RBFOX2: variants seen among roughly 807,000 people sequenced by gnomAD.
RBFOX2 encodes RNA binding protein fox-1 homolog 2.
A neutral mutation model predicts 49.1 loss-of-function variants in RBFOX2; 10 were observed. That is an observed-to-expected ratio of 0.20 (90% confidence interval 0.13 to 0.35). The LOEUF is 0.35. Ranked by LOEUF, RBFOX2 falls within the 10% of genes least tolerant of loss-of-function variation. The pLI, the probability that RBFOX2 is intolerant of heterozygous loss-of-function variation, is 1.00. For synonymous variants in RBFOX2, 183 were observed against 187.4 expected (o/e 0.98, Z 0.19); for missense variants, 323 against 486.9 (o/e 0.66, Z 3.17).
intron 1 of RBFOX2, among the ~76,000 whole-genome samples, chr22:35,884,000 CTTTTTT>C (rs34644201): frequency 4.8e-5 from 3 of 62,686 alleles, no homozygotes; most frequent in Admixed American, 2.4e-4. Context: ...GTAGTTATCT[CTTTTTT>C]TTTTTTTTTT....
intron 1 of RBFOX2, among the ~76,000 whole-genome samples, chr22:35,858,520 T>C (rs1471567063): frequency 1.3e-5 from 2 of 152,160 alleles, no homozygotes; most frequent in South Asian, 2.1e-4. Flanking sequence ...CATCTTCCTA[T>C]TTCTCACAAA....
At chr22:35,876,224 A>T (rs1482366653) in intron 1 of RBFOX2, among the ~76,000 whole-genome samples, 2 of 152,168 alleles carry the variant, frequency 1.3e-5, no homozygotes, top group South Asian at 2.1e-4. Flanking sequence ...TAGCATTTTT[A>T]AAATTTTTTT....
At chr22:35,860,528 A>G (rs2042985431) in intron 1 of RBFOX2, among the ~76,000 whole-genome samples, 1 of 152,232 alleles carries the variant, frequency 6.6e-6, no homozygotes, top group African/African-American at 2.4e-5. Flanking sequence ...GCAAAACCTA[A>G]CTGACACAAT....
At chr22:35,818,628 A>AT (rs1555969846) in intron 1 of RBFOX2, among the ~76,000 whole-genome samples, 1 of 151,974 alleles carries the variant, frequency 6.6e-6, no homozygotes, top group Non-Finnish European at 1.5e-5. Flanking sequence ...TACAAAAAAA[A>AT]TTTTTTTAAA....
chr22:35,879,686 C>T (rs764216186), intron 1 of RBFOX2, among the ~76,000 whole-genome samples: 4 of 152,122 alleles, frequency 2.6e-5, no homozygotes, highest in Non-Finnish European at 5.9e-5. Context: ...TTCTTCTGAG[C>T]GAAACACATC....
intron 1 of RBFOX2, among the ~76,000 whole-genome samples, chr22:35,959,317 T>C (rs753117343): frequency 2.6e-5 from 4 of 152,200 alleles, no homozygotes; most frequent in Non-Finnish European, 4.4e-5. Flanking sequence ...TAATTATAAC[T>C]GTTCTTTCTG....
At chr22:35,822,472 A>C (rs1326873844) in intron 1 of RBFOX2, among the ~76,000 whole-genome samples, 1 of 152,136 alleles carries the variant, frequency 6.6e-6, no homozygotes, top group Non-Finnish European at 1.5e-5. Flanking sequence ...TTCATGCTAA[A>C]AGTTCCTCTA....
intron 9 of RBFOX2, among the ~76,000 whole-genome samples, chr22:35,758,890 A>C (rs1467825557): frequency 6.6e-6 from 1 of 152,234 alleles, no homozygotes; most frequent in Non-Finnish European, 1.5e-5. Context: ...TCAGAAAAGG[A>C]CATACAAAGG....
intron 2 of RBFOX2, among the ~76,000 whole-genome samples, chr22:35,792,580 T>C (rs2147565803): frequency 6.6e-6 from 1 of 152,330 alleles, no homozygotes; most frequent in South Asian, 2.1e-4. Context: ...TTGATATTCA[T>C]TTTCTCATCT....
intron 1 of RBFOX2, among the ~76,000 whole-genome samples, chr22:35,927,604 C>CAAAAAAAAAAAAAAAAAAA (rs361700): frequency 2.0e-5 from 1 of 49,186 alleles, no homozygotes; most frequent in Non-Finnish European, 4.0e-5. Context: ...AACTCCGTCT[C>CAAAAAAAAAAAAAAAAAAA]AAAAAAAAAA....
At position 35,993,134 on chromosome 22, in the gene RBFOX2, A is replaced by G. The variant is rs569061548; in HGVS notation, c.186+35106T>C. 2.0e-5 allele frequency: 3 copies of G among 152,348 alleles called. 1 individual carries two copies. In the East Asian group the frequency reaches 5.8e-4, roughly 29 times the overall value. The allele number at this position is 152,348 out of a possible 1,614,324, so 9.4% of individuals were successfully genotyped here. A position where few individuals can be genotyped will look rare whatever the true frequency, so the allele number is the denominator to read the frequency against. On this transcript the variant is annotated intron_variant, in intron 1 of 13. Coordinates refer to the RBFOX2 transcript ENST00000438146. ...AGAAAGGACATAAACAGATGCATAT[A>G]CAAGTGTTAAAAGCCCAAGCAAAGC...
intron 1 of RBFOX2, among the ~76,000 whole-genome samples, chr22:35,936,693 A>G (rs1293229229): frequency 6.6e-6 from 1 of 152,228 alleles, no homozygotes; most frequent in African/African-American, 2.4e-5. Context: ...TGCAGCAGAG[A>G]CAGCATGAGT....
intron 1 of RBFOX2, among the ~76,000 whole-genome samples, chr22:35,817,579 G>T (rs1054584140): frequency 2.0e-5 from 3 of 152,104 alleles, no homozygotes; most frequent in African/African-American, 7.2e-5. Context: ...AAAGTAGAGG[G>T]TTACCTTCTT....
At chr22:35,861,847 T>C (rs901997069) in intron 1 of RBFOX2, among the ~76,000 whole-genome samples, 1 of 152,156 alleles carries the variant, frequency 6.6e-6, no homozygotes, top group African/African-American at 2.4e-5. Flanking sequence ...TCTATTTGTC[T>C]GGCCTAAAAC....
At chr22:35,742,391 T>C (rs1930396810) in exon 12 of RBFOX2, 1 of 152,692 alleles carries the variant, frequency 6.5e-6, no homozygotes, top group Non-Finnish European at 1.5e-5. Context: ...ATCACTCTGC[T>C]TACAAAGAAT....
intron 1 of RBFOX2, among the ~76,000 whole-genome samples, chr22:35,819,669 A>C (rs967676300): frequency 2.6e-5 from 4 of 152,198 alleles, no homozygotes; most frequent in African/African-American, 9.7e-5. Context: ...CATTCATCAG[A>C]TATTCTGTTC....
intron 1 of RBFOX2, among the ~76,000 whole-genome samples, chr22:35,866,549 A>G (rs2043700619): frequency 6.6e-6 from 1 of 152,204 alleles, no homozygotes; most frequent in Non-Finnish European, 1.5e-5. Flanking sequence ...AGTACAATTT[A>G]AAACCCTAGA....
chr22:35,875,254 A>G (rs574550049), intron 1 of RBFOX2, among the ~76,000 whole-genome samples: 1 of 152,314 alleles, frequency 6.6e-6, no homozygotes, highest in South Asian at 2.1e-4. Context: ...AAGAAACAGA[A>G]AAGTAAAGGA....
chr22:35,950,109 ATTTTTTT>A (rs146393323), intron 1 of RBFOX2, among the ~76,000 whole-genome samples: 1 of 107,992 alleles, frequency 9.3e-6, no homozygotes, highest in African/African-American at 3.3e-5. Context: ...GTCCAACTTC[ATTTTTTT>A]TTTTTTTTTT....
Sources: gnomAD v4.1 joint callset for allele counts (sites outside exome capture counted in the v4.1 genomes callset) on GRCh38, gnomAD v4.1.1 for gene constraint, MANE v1.5 for transcripts, NCBI Gene and HGNC (gene_info 2026-07-23, HGNC 2026-07-21) for gene names.